The following LHFPL6 variants were observed in gnomAD, a reference collection of about 807,000 sequenced individuals.
LHFPL6 encodes LHFPL tetraspan subfamily member 6.
LHFPL6 carries 9 observed loss-of-function variants against 20.6 expected under a neutral mutation model. The observed-to-expected ratio is 0.44, with a 90% CI of 0.26 to 0.76. The LOEUF is 0.76. LHFPL6 is among the 30% of genes least tolerant of loss of function. The pLI, the probability that LHFPL6 is intolerant of heterozygous loss-of-function variation, is 0.20. For synonymous variants in LHFPL6, 105 were observed against 98.7 expected (o/e 1.06, Z -0.38); for missense variants, 218 against 253.5 (o/e 0.86, Z 0.95).
At chr13:39,424,020 G>C (rs1871572078) in intron 2 of LHFPL6, among the ~76,000 whole-genome samples, 2 of 151,992 alleles carry the variant, frequency 1.3e-5, no homozygotes. Flanking sequence ...GAAGGAAGAA[G>C]GTAAAATCTC....
chr13:39,402,508 G>A (rs967296685), intron 2 of LHFPL6, among the ~76,000 whole-genome samples: 2 of 152,194 alleles, frequency 1.3e-5, no homozygotes, highest in Non-Finnish European at 2.9e-5. Context: ...AGGATTATAG[G>A]CATGAGCCAC....
intron 2 of LHFPL6, among the ~76,000 whole-genome samples, chr13:39,541,401 C>T (rs1289969575): frequency 6.6e-6 from 1 of 152,224 alleles, no homozygotes; most frequent in South Asian, 2.1e-4. Context: ...TCTCCACAGG[C>T]CCTCCCCTAG....
At chr13:39,574,482 C>CAA (rs796821570) in intron 2 of LHFPL6, among the ~76,000 whole-genome samples, 12 of 59,914 alleles carry the variant, frequency 2.0e-4, no homozygotes, top group East Asian at 9.8e-4. Flanking sequence ...GACTCCGTCT[C>CAA]AAAAAAAAAA....
intron 3 of LHFPL6, among the ~76,000 whole-genome samples, chr13:39,346,160 C>T (rs950405822): frequency 2.6e-5 from 4 of 152,096 alleles, no homozygotes; most frequent in Admixed American, 6.5e-5. Context: ...GTGCCCCAGG[C>T]GCAGATAAAA....
intron 2 of LHFPL6, among the ~76,000 whole-genome samples, chr13:39,428,076 T>G (rs1871690704): frequency 6.6e-6 from 1 of 152,224 alleles, no homozygotes; most frequent in African/African-American, 2.4e-5. Flanking sequence ...TGGAACTGTT[T>G]ACTTGGCTCA....
chr13:39,458,293 A>T (rs1872615478), intron 2 of LHFPL6, among the ~76,000 whole-genome samples: 1 of 152,184 alleles, frequency 6.6e-6, no homozygotes, highest in Admixed American at 6.5e-5. Context: ...AATAGTAGAA[A>T]AGTACAGGCT....
At chr13:39,584,673 A>G (rs1266949047) in intron 2 of LHFPL6, among the ~76,000 whole-genome samples, 1 of 151,918 alleles carries the variant, frequency 6.6e-6, no homozygotes, top group Non-Finnish European at 1.5e-5. Flanking sequence ...CTGACTATAG[A>G]GTCTATAAAG....
chr13:39,404,071 C>G (rs1174294546), intron 2 of LHFPL6, among the ~76,000 whole-genome samples: 1 of 152,180 alleles, frequency 6.6e-6, no homozygotes, highest in African/African-American at 2.4e-5. Flanking sequence ...TTGTGGAGCT[C>G]AAGGAACACA....
At chr13:39,587,323 G>C (rs1035807659) in intron 2 of LHFPL6, among the ~76,000 whole-genome samples, 3 of 151,996 alleles carry the variant, frequency 2.0e-5, no homozygotes, top group Admixed American at 2.0e-4. Context: ...ACAATTCCTT[G>C]GCTTTGAGGA....
intron 2 of LHFPL6, among the ~76,000 whole-genome samples, chr13:39,467,399 G>C (rs968945507): frequency 2.0e-5 from 3 of 152,064 alleles, no homozygotes; most frequent in Non-Finnish European, 4.4e-5. Flanking sequence ...AAGTCCACAG[G>C]GTTAAGGAAT....
intron 2 of LHFPL6, among the ~76,000 whole-genome samples, chr13:39,592,391 C>T (rs2138549750): frequency 6.6e-6 from 1 of 152,244 alleles, no homozygotes; most frequent in South Asian, 2.1e-4. Flanking sequence ...ATAAATTCCT[C>T]AACACATACA....
intron 3 of LHFPL6, among the ~76,000 whole-genome samples, chr13:39,378,075 T>C (rs1377074290): frequency 6.6e-6 from 1 of 152,216 alleles, no homozygotes; most frequent in East Asian, 1.9e-4. Context: ...TCCTTGACTA[T>C]TTTGTTGTCA....
At chr13:39,589,009 G>T (rs1872530640) in intron 2 of LHFPL6, among the ~76,000 whole-genome samples, 1 of 152,112 alleles carries the variant, frequency 6.6e-6, no homozygotes, top group Non-Finnish European at 1.5e-5. Flanking sequence ...ACCCATGGAG[G>T]GTAATTATTT....
chr13:39,522,337 C>T (rs1870134069), intron 2 of LHFPL6, among the ~76,000 whole-genome samples: 1 of 152,220 alleles, frequency 6.6e-6, no homozygotes, highest in Admixed American at 6.5e-5. Flanking sequence ...GTAAGTGGCA[C>T]AGCAGGATTT....
chr13:39,532,582 C>T (rs1303320020), intron 2 of LHFPL6, among the ~76,000 whole-genome samples: 1 of 152,054 alleles, frequency 6.6e-6, no homozygotes, highest in Non-Finnish European at 1.5e-5. Context: ...ATGCCATATT[C>T]CTCTAGACCT....
intron 2 of LHFPL6, among the ~76,000 whole-genome samples, chr13:39,552,345 G>A (rs1221418989): frequency 6.6e-6 from 1 of 151,866 alleles, no homozygotes; most frequent in Non-Finnish European, 1.5e-5. Flanking sequence ...ACAGCAATTG[G>A]TAAACTGACT....
At chr13:39,524,013 A>T (rs1177620706) in intron 2 of LHFPL6, among the ~76,000 whole-genome samples, 2 of 152,220 alleles carry the variant, frequency 1.3e-5, no homozygotes, top group African/African-American at 4.8e-5. Flanking sequence ...TACCAATAAA[A>T]GATAATGAAA....
chr13:39,489,711 C>G (rs1868852272), intron 2 of LHFPL6, among the ~76,000 whole-genome samples: 1 of 151,998 alleles, frequency 6.6e-6, no homozygotes. Context: ...CACCACCATG[C>G]CCGGCTAATT....
chr13:39,447,123 G>A (rs9576802), intron 2 of LHFPL6, among the ~76,000 whole-genome samples: 6,234 of 152,176 alleles, frequency 0.041, 263 homozygotes, highest in East Asian at 0.15. Context: ...CATATCAGAT[G>A]GGTAATGTGC....
Sources: allele counts gnomAD v4.1 joint callset (sites outside exome capture counted in the v4.1 genomes callset), GRCh38; gene constraint gnomAD v4.1.1; transcripts MANE v1.5; gene names NCBI Gene and HGNC (gene_info 2026-07-23, HGNC 2026-07-21).